Variants in SEMA6D observed in about 807,000 individuals in gnomAD.
The protein encoded by SEMA6D is semaphorin-6D.
A neutral mutation model predicts 106.6 loss-of-function variants in SEMA6D; 35 were observed. The observed-to-expected ratio is 0.33, with a 90% confidence interval of 0.25 to 0.44. The LOEUF is 0.44. Among genes scored for constraint, SEMA6D ranks in the 20% least tolerant of loss-of-function variants. The pLI is 1.00. For synonymous variants in SEMA6D, 499 were observed against 487.7 expected (o/e 1.02, Z -0.31); for missense variants, 1,185 against 1,345.9 (o/e 0.88, Z 1.87).
At chr15:47,565,049 T>C (rs953849735) in intron 3 of SEMA6D, among the ~76,000 whole-genome samples, 1 of 152,184 alleles carries the variant, frequency 6.6e-6, no homozygotes, top group Non-Finnish European at 1.5e-5. Flanking sequence ...TACCATCCTT[T>C]AATTCTTTCA....
intron 4 of SEMA6D, among the ~76,000 whole-genome samples, chr15:47,658,482 A>G (rs1426402505): frequency 6.6e-6 from 1 of 152,218 alleles, no homozygotes; most frequent in Non-Finnish European, 1.5e-5. Context: ...TGAAAAAAAT[A>G]TGTAGCTTAG....
At chr15:47,742,100 C>G (rs1043971974) in intron 1 of SEMA6D, among the ~76,000 whole-genome samples, 1 of 152,110 alleles carries the variant, frequency 6.6e-6, no homozygotes. Context: ...GCTGGCCACT[C>G]GCAGAGGAAC....
intron 3 of SEMA6D, among the ~76,000 whole-genome samples, chr15:47,549,573 G>C (rs1479336936): frequency 6.6e-6 from 1 of 151,980 alleles, no homozygotes. Context: ...ATGGAAGAAA[G>C]GTTTTAAATA....
intron 3 of SEMA6D, among the ~76,000 whole-genome samples, chr15:47,514,055 CA>C (rs1483254634): frequency 6.6e-6 from 1 of 152,188 alleles, no homozygotes; most frequent in Non-Finnish European, 1.5e-5. Context: ...CATTGGTTCA[CA>C]AGTCATTGCT....
chr15:47,527,282 GA>G (rs370252620), intron 3 of SEMA6D, among the ~76,000 whole-genome samples: 8 of 149,610 alleles, frequency 5.3e-5, no homozygotes, highest in African/African-American at 7.4e-5. Context: ...AAGAAATTTT[GA>G]AAAAAAAATC....
chr15:47,756,450 A>T (rs571297999), intron 1 of SEMA6D, among the ~76,000 whole-genome samples: 1 of 152,174 alleles, frequency 6.6e-6, no homozygotes. Flanking sequence ...GATGCCTCAT[A>T]CTGATTATCT....
chr15:47,765,205 G>T lies in SEMA6D; in HGVS notation c.1427+149G>T, dbSNP rs2147828700. Reference sequence around the variant, plus strand: ...TTTTTTCTCATTGAAATAAATCTTGGGTTTGTTTTTTTCCCGAGCCTGCTA... The same window carrying T: ...TTTTTTCTCATTGAAATAAATCTTGTGTTTGTTTTTTTCCCGAGCCTGCTA... On this transcript the variant is annotated intron_variant, in intron 13 of 18. Transcript: ENST00000536845. 4 of 1,418,786 alleles carry T rather than the reference G, an allele frequency of 2.8e-6. No individual in the cohort carries two copies. In the East Asian group the frequency reaches 1.0e-4, roughly 36 times the overall value. The allele number at this position is 1,418,786 out of a possible 1,614,324, so 87.9% of individuals were successfully genotyped here.
intron 1 of SEMA6D, among the ~76,000 whole-genome samples, chr15:47,371,493 C>T (rs1443523328): frequency 9.9e-5 from 15 of 152,026 alleles, no homozygotes; most frequent in Admixed American, 9.2e-4. Context: ...AATGATATAC[C>T]TTCTTAAGAA....
In SEMA6D at chr15:47,310,281, A is replaced by G. The variant is rs571394081; in HGVS notation, c.-238-102112A>G. ...AAACCATATGCCCCATCATATAATG[A>G]ACTGAAAGATAAAAGCAGCCAATTT... is the stretch of plus-strand genomic sequence containing the variant. On this transcript the variant is annotated intron_variant, in intron 1 of 19. Coordinates refer to the SEMA6D transcript ENST00000558014. Among the ~76,000 whole-genome samples, 6 of 152,302 alleles carry G rather than the reference A, an allele frequency of 3.9e-5. No homozygotes were observed. The South Asian group carries it at 1.0e-3, about 26-fold the overall frequency.
rs1359884893 is a variant in SEMA6D at position 47,281,667 on chromosome 15, TA to T, written c.-239+97250del. On this transcript the variant is annotated intron_variant, in intron 1 of 19. Transcript: ENST00000558014. Reference sequence around the variant, plus strand: ...GGCATGATTTTGCAGCAGCTGGTACTATTTTTTTGATATAATGTCTGTGCAT... The same window carrying T: ...GGCATGATTTTGCAGCAGCTGGTACTTTTTTTTGATATAATGTCTGTGCAT... Among the ~76,000 whole-genome samples, 14 of 152,282 alleles carry T rather than the reference TA, an allele frequency of 9.2e-5. No homozygotes were observed. In the East Asian group the frequency reaches 2.5e-3, roughly 27 times the overall value.
At chr15:47,454,229 T>G (rs1166519077) in intron 2 of SEMA6D, among the ~76,000 whole-genome samples, 1 of 151,970 alleles carries the variant, frequency 6.6e-6, no homozygotes, top group African/African-American at 2.4e-5. Context: ...ACCTAAAAAT[T>G]TATGGTTTAG....
At chr15:47,687,459 AAGAG>A (rs1219818250) in intron 4 of SEMA6D, among the ~76,000 whole-genome samples, 1 of 152,146 alleles carries the variant, frequency 6.6e-6, no homozygotes, top group African/African-American at 2.4e-5. Context: ...AAAAAAAAGA[AAGAG>A]AGAAGATTTG....
At chr15:47,237,933 C>T (rs2032656981) in intron 1 of SEMA6D, among the ~76,000 whole-genome samples, 1 of 152,024 alleles carries the variant, frequency 6.6e-6, no homozygotes, top group Non-Finnish European at 1.5e-5. Flanking sequence ...CAACAAGTAG[C>T]AACCAAAGAA....
chr15:47,492,392 C>T (rs905396947), intron 3 of SEMA6D, among the ~76,000 whole-genome samples: 2 of 152,266 alleles, frequency 1.3e-5, no homozygotes, highest in South Asian at 2.1e-4. Context: ...AAAGTTCTCT[C>T]TCACTCCCTA....
At chr15:47,257,381 G>A (rs549991057) in intron 1 of SEMA6D, among the ~76,000 whole-genome samples, 265 of 152,118 alleles carry the variant, frequency 1.7e-3, no homozygotes, top group South Asian at 5.4e-3. Flanking sequence ...TCTTTAGGTA[G>A]GAACTTCAAT....
At chr15:47,384,864 T>G (rs2039776165) in intron 1 of SEMA6D, among the ~76,000 whole-genome samples, 1 of 132,130 alleles carries the variant, frequency 7.6e-6, no homozygotes, top group South Asian at 2.5e-4. Context: ...AAGAAATATG[T>G]TTCCTCTAGT....
intron 4 of SEMA6D, among the ~76,000 whole-genome samples, chr15:47,667,717 C>T (rs946987667): frequency 5.3e-5 from 8 of 152,178 alleles, no homozygotes; most frequent in Admixed American, 2.0e-4. Flanking sequence ...AGGGAGCTCA[C>T]CAGTGTCTCT....
chr15:47,470,246 C>T (rs901240914), intron 2 of SEMA6D, among the ~76,000 whole-genome samples: 1 of 152,106 alleles, frequency 6.6e-6, no homozygotes, highest in Non-Finnish European at 1.5e-5. Flanking sequence ...CTACAATAAC[C>T]ATGCCATATG....
chr15:47,500,311 GA>G (rs35369550), intron 3 of SEMA6D, among the ~76,000 whole-genome samples: 53,933 of 151,232 alleles, frequency 0.36, 10,118 homozygotes, highest in East Asian at 0.49. Flanking sequence ...TTATAAATGG[GA>G]AAAAAAATAT....
Sources: allele counts gnomAD v4.1 joint callset (sites outside exome capture counted in the v4.1 genomes callset), GRCh38; gene constraint gnomAD v4.1.1; transcripts MANE v1.5; gene names NCBI Gene and HGNC (gene_info 2026-07-23, HGNC 2026-07-21).